Variants in ADD1 observed in about 807,000 individuals in gnomAD.
ADD1 encodes alpha-adducin.
Under a neutral mutation model 80.5 loss-of-function variants are expected in ADD1, and 24 were observed. That is an observed-to-expected ratio of 0.30 (90% CI 0.22 to 0.42). ADD1 has a LOEUF of 0.42. ADD1 is among the 10% of genes least tolerant of loss of function. The probability of loss-of-function intolerance (pLI) is 1.00; values close to 1 mark genes in which losing one functional copy is unlikely to be tolerated. For missense variants in ADD1, 948 were observed against 1,019.0 expected (o/e 0.93, Z 0.95); for synonymous variants, 373 against 393.8 (o/e 0.95, Z 0.63).
At chr4:2,910,174 G>A (rs974460474) in intron 13 of ADD1, among the ~76,000 whole-genome samples, 5 of 150,168 alleles carry the variant, frequency 3.3e-5, no homozygotes, top group African/African-American at 1.2e-4. Context: ...TTGGTGCCAC[G>A]CAGAAAGGGG....
chr4:2,883,678 C>CT lies in ADD1; in HGVS notation c.359-826dup, dbSNP rs879343166. ...CATGCCTGGCTAATTTTTCTCTTTT[C>CT]TTTTTTTTTTTGAGATGGAGTCTTG... On this transcript the variant is annotated intron_variant, in intron 3 of 15. Transcript: ENST00000683351. Among the ~76,000 whole-genome samples, 1,398 of 146,056 alleles carry CT rather than the reference C, an allele frequency of 9.6e-3. 16 individuals carry two copies. Among genetic ancestry groups the CT allele is most frequent in the African/African-American group, 0.032 (1,285 of 40,104 alleles).
chr4:2,848,198 G>A (rs1726538404), intron 1 of ADD1, among the ~76,000 whole-genome samples: 2 of 149,696 alleles, frequency 1.3e-5, no homozygotes, highest in African/African-American at 5.0e-5. Context: ...CTGGGACAGA[G>A]TGAGACTCCG....
intron 3 of ADD1, among the ~76,000 whole-genome samples, chr4:2,882,335 T>G (rs904360686): frequency 1.3e-5 from 2 of 152,218 alleles, no homozygotes; most frequent in Admixed American, 6.5e-5. Flanking sequence ...TAGATTAAAA[T>G]AAACTAATAG....
chr4:2,854,849 C>T (rs1000217851), intron 1 of ADD1: 4 of 152,162 alleles, frequency 2.6e-5, no homozygotes, highest in African/African-American at 4.8e-5. Context: ...ATTATTCTCT[C>T]ATAGTTCTGG....
At position 2,876,807 on chromosome 4, in the gene ADD1, T is replaced by C. The variant is rs866729614; in HGVS notation, c.195+697T>C. ...TAAGCCGAGATCATGCCACTGCACT[T>C]CAGCCTGGGTGACATAGAGAGACTC... On this transcript the variant is annotated intron_variant, in intron 2 of 15. Coordinates refer to ENST00000683351, the MANE Select transcript of ADD1 (RefSeq NM_001354761.2). 1.1e-3 allele frequency among the ~76,000 whole-genome samples: 164 copies of C among 148,396 alleles called. 1 individual carries two copies. Among genetic ancestry groups the C allele is most frequent in the Admixed American group, 3.6e-3 (54 of 14,870 alleles).
chr4:2,911,449 T>TATATA (rs1553848841), intron 13 of ADD1, among the ~76,000 whole-genome samples: 9 of 92,596 alleles, frequency 9.7e-5, no homozygotes, highest in African/African-American at 3.4e-4. Context: ...TATATATATA[T>TATATA]TTTTTTTTTT....
At chr4:2,905,626 C>G (rs1362447763) in intron 10 of ADD1, 1 of 161,544 alleles carries the variant, frequency 6.2e-6, no homozygotes, top group Non-Finnish European at 1.4e-5. Context: ...TGCTTTCTAT[C>G]CCAAAGCCTC....
At chr4:2,896,540 G>A (rs1250926452) in intron 6 of ADD1, among the ~76,000 whole-genome samples, 1 of 152,218 alleles carries the variant, frequency 6.6e-6, no homozygotes, top group African/African-American at 2.4e-5. Context: ...ATGTGTGTTG[G>A]ATTATTTGGA....
intron 4 of ADD1, among the ~76,000 whole-genome samples, chr4:2,888,785 A>G (rs1733822921): frequency 6.6e-6 from 1 of 152,164 alleles, no homozygotes; most frequent in Non-Finnish European, 1.5e-5. Flanking sequence ...GTTATTCAAT[A>G]TCAATTTGAG....
Position 2,926,603 on chromosome 4 carries a change from C to G in ADD1, c.2047+491C>G. 1.2e-6 allele frequency: 2 copies of G among 1,611,470 alleles called. No homozygotes were observed. Among genetic ancestry groups the G allele is most frequent in the Non-Finnish European group, 1.7e-6 (2 of 1,178,512 alleles). On this transcript the variant is annotated intron_variant, in intron 15 of 15. Transcript: ENST00000683351. This position sits in a 1 kb window ranked among gnomAD's most constrained non-coding sequence, Gnocchi z 5.0. ...CTGTGACTGAATGCATAGATTCTCT[C>G]CTTGTGCTTTTTTCTCCCTGTGGCT...
chr4:2,920,815 GGGGCAT>G (rs1739895098), intron 14 of ADD1, among the ~76,000 whole-genome samples: 1 of 152,044 alleles, frequency 6.6e-6, no homozygotes, highest in South Asian at 2.1e-4. Context: ...TCTTTTAATT[GGGGCAT>G]TTTGCCCATT....
intron 5 of ADD1, 88 bp downstream of exon 5, chr4:2,894,181 C>A: frequency 9.4e-7 from 1 of 1,060,076 alleles, no homozygotes; most frequent in Non-Finnish European, 1.5e-6. Context: ...ATGTAAAACC[C>A]AAGAAACAAG....
Position 2,928,269 on chromosome 4 carries a change from G to T in ADD1, c.2146G>T (p.Gly716Cys), listed in dbSNP as rs752304430. The T allele has an allele frequency of 6.2e-7, 1 of 1,613,978 alleles. No individual in the cohort carries two copies. The highest frequency in any genetic ancestry group is 2.2e-5 in the East Asian group (1 of 44,850). The change falls in exon 16 of 16, where the codon GGC (glycine) becomes TGC (cysteine). Residue 716 changes from glycine to cysteine, a missense_variant. Gly to Cys is a radical substitution (Grantham distance 159). Coordinates refer to ENST00000683351, the MANE Select transcript of ADD1 (RefSeq NM_001354761.2). ...LSPDEPSEALGFPMLEKEEEA... is the reference protein window; with the variant it reads ...LSPDEPSEALCFPMLEKEEEA... Reference sequence around the variant, plus strand: ...CCCTGATGAACCTTCAGAAGCACTCGGCTTCCCAATGTTAGAGAAGGAGGA... The same window carrying T: ...CCCTGATGAACCTTCAGAAGCACTCTGCTTCCCAATGTTAGAGAAGGAGGA...
At chr4:2,862,984 TCTCTC>T (rs1399313153) in intron 1 of ADD1, among the ~76,000 whole-genome samples, 4 of 152,126 alleles carry the variant, frequency 2.6e-5, no homozygotes, top group Non-Finnish European at 5.9e-5. Context: ...ATCTGCCACT[TCTCTC>T]CATGACCCAA....
At chr4:2,904,478 A>ATGCC (rs1190061677) in intron 9 of ADD1, among the ~76,000 whole-genome samples, 1 of 152,250 alleles carries the variant, frequency 6.6e-6, no homozygotes, top group Non-Finnish European at 1.5e-5. Context: ...TTGTGTCACT[A>ATGCC]TAAGCCTTCT....
intron 12 of ADD1, chr4:2,908,882 G>A (rs893472802): frequency 3.9e-6 from 2 of 508,640 alleles, no homozygotes; most frequent in Non-Finnish European, 7.1e-6. Flanking sequence ...TTGGGGCTCA[G>A]ATTCGGCCCG....
chr4:2,907,695 C>A, intron 10 of ADD1, 48 bp from the exon 11 acceptor site: 1 of 1,468,298 alleles, frequency 6.8e-7, no homozygotes, highest in Non-Finnish European at 9.5e-7. Context: ...TGCTATGTCA[C>A]TTATTGTTGT....
intron 1 of ADD1, among the ~76,000 whole-genome samples, chr4:2,874,266 A>G (rs543604716): frequency 3.9e-5 from 6 of 152,168 alleles, no homozygotes; most frequent in African/African-American, 4.8e-5. Context: ...CGTTTATTCT[A>G]TGTTGATGTT....
Position 2,884,735 on chromosome 4 carries a change from A to G in ADD1, c.510+69A>G, listed in dbSNP as rs35580670. 3.9e-4 allele frequency: 569 copies of G among 1,463,390 alleles called. 2 individuals are homozygous for G. In the African/African-American group the frequency reaches 7.0e-3, roughly 18 times the overall value. The allele number at this position is 1,463,390 out of a possible 1,614,324, so 90.7% of individuals were successfully genotyped here. A position where few individuals can be genotyped will look rare whatever the true frequency, so the allele number is the denominator to read the frequency against. ...TTTGTGTCTGGCACCACCTCTTTCC[A>G]TTTAGGAGAAGAGGGAAGCAGGCTG... On this transcript the variant is annotated intron_variant, in intron 4 of 15. Coordinates refer to ENST00000683351, the MANE Select transcript of ADD1 (RefSeq NM_001354761.2).
Sources: gnomAD v4.1 joint callset for allele counts (sites outside exome capture counted in the v4.1 genomes callset) on GRCh38, gnomAD v4.1.1 for gene constraint, Gnocchi (gnomAD v3.1) non-coding constraint, MANE v1.5 for transcripts, NCBI Gene and HGNC (gene_info 2026-07-23, HGNC 2026-07-21) for gene names.